TENM3: variants seen among roughly 807,000 people sequenced by gnomAD.
TENM3 encodes the protein teneurin-3.
A neutral mutation model predicts 255.1 loss-of-function variants in TENM3; 63 were observed. The observed-to-expected ratio is 0.25, with a 90% CI of 0.20 to 0.30. The LOEUF (loss-of-function observed/expected upper bound fraction) is 0.30. Among genes scored for constraint, TENM3 ranks in the 10% least tolerant of loss-of-function variants. TENM3 has a pLI of 1.00. For synonymous variants in TENM3, 1,306 were observed against 1,322.3 expected (o/e 0.99, Z 0.27); for missense variants, 2,929 against 3,461.1 (o/e 0.85, Z 3.86).
chr4:182,194,356 G>C (rs757379716), intron 1 of TENM3, among the ~76,000 whole-genome samples: 1 of 152,174 alleles, frequency 6.6e-6, no homozygotes, highest in Non-Finnish European at 1.5e-5. Flanking sequence ...ATGCACGCGT[G>C]TTGCCAAACC....
intron 3 of TENM3, among the ~76,000 whole-genome samples, chr4:182,371,244 C>CACAA (rs1254555106): frequency 6.6e-6 from 1 of 150,556 alleles, no homozygotes; most frequent in East Asian, 1.9e-4. Context: ...CACACACACA[C>CACAA]ACACACACAC....
intron 2 of TENM3, among the ~76,000 whole-genome samples, chr4:182,330,992 T>A (rs1476502351): frequency 1.3e-5 from 2 of 152,144 alleles, no homozygotes; most frequent in African/African-American, 4.8e-5. Context: ...GGGAAATAAT[T>A]GCTATCTTGC....
chr4:181,611,610 G>A, the TENM3 span, among the ~76,000 whole-genome samples: 1 of 152,084 alleles, frequency 6.6e-6, no homozygotes. Flanking sequence ...CCAAATCCTT[G>A]GCTAAAATCT....
chr4:181,512,269 A>T, the TENM3 span, among the ~76,000 whole-genome samples: 1 of 152,082 alleles, frequency 6.6e-6, no homozygotes. Flanking sequence ...TCTGTCTCCT[A>T]ACATTTCTCT....
At chr4:181,468,890 C>A in the TENM3 span, among the ~76,000 whole-genome samples, 4 of 152,318 alleles carry the variant, frequency 2.6e-5, no homozygotes, top group African/African-American at 9.6e-5. Context: ...ATTTTACTAA[C>A]CTCTTTTGAT....
At chr4:182,797,215 G>A (rs190669697) in intron 27 of TENM3, among the ~76,000 whole-genome samples, 1 of 152,192 alleles carries the variant, frequency 6.6e-6, no homozygotes, top group East Asian at 1.9e-4. Flanking sequence ...CGAGGAGGTC[G>A]GATCACCTGA....
intron 7 of TENM3, among the ~76,000 whole-genome samples, chr4:182,673,539 T>G (rs2152554276): frequency 6.6e-6 from 1 of 152,330 alleles, no homozygotes; most frequent in African/African-American, 2.4e-5. Context: ...CTATGATAAT[T>G]TCCGATGATC....
chr4:181,587,262 A>C, the TENM3 span, among the ~76,000 whole-genome samples: 1 of 152,216 alleles, frequency 6.6e-6, no homozygotes, highest in Non-Finnish European at 1.5e-5. Flanking sequence ...ATTCAGTGCC[A>C]GGCATGATGC....
At chr4:181,847,031 C>T in the TENM3 span, among the ~76,000 whole-genome samples, 2 of 152,298 alleles carry the variant, frequency 1.3e-5, no homozygotes, top group African/African-American at 2.4e-5. Flanking sequence ...AGTGTGGCAA[C>T]GGTGGGGTTT....
At chr4:181,559,073 A>T in the TENM3 span, among the ~76,000 whole-genome samples, 16,124 of 151,908 alleles carry the variant, frequency 0.11, 921 homozygotes, top group Middle Eastern at 0.17. Flanking sequence ...GATTTACTTT[A>T]AGGATTCGAC....
chr4:181,495,529 A>G, the TENM3 span, among the ~76,000 whole-genome samples: 1 of 148,058 alleles, frequency 6.8e-6, no homozygotes, highest in Non-Finnish European at 1.5e-5. Flanking sequence ...TCCTTAGGAC[A>G]GGTCTTTTGC....
At chr4:182,162,985 G>C (rs905772041) in intron 1 of TENM3, among the ~76,000 whole-genome samples, 9 of 152,128 alleles carry the variant, frequency 5.9e-5, no homozygotes, top group African/African-American at 2.2e-4. Context: ...GAGCAAAGCT[G>C]CCCCTTCTCC....
At chr4:181,874,912 T>C in the TENM3 span, among the ~76,000 whole-genome samples, 1 of 152,254 alleles carries the variant, frequency 6.6e-6, no homozygotes, top group Non-Finnish European at 1.5e-5. Flanking sequence ...CTTCCCTTCT[T>C]TCAAAGATCC....
chr4:181,615,023 GAGAC>G, the TENM3 span, among the ~76,000 whole-genome samples: 2 of 152,176 alleles, frequency 1.3e-5, no homozygotes, highest in African/African-American at 4.8e-5. Context: ...GCAGGGGAGA[GAGAC>G]AGGATGTAGA....
At chr4:181,578,332 C>T in the TENM3 span, among the ~76,000 whole-genome samples, 1 of 152,332 alleles carries the variant, frequency 6.6e-6, no homozygotes, top group Non-Finnish European at 1.5e-5. Flanking sequence ...GATTAGGCCT[C>T]CTCGCCAAGC....
chr4:182,202,195 G>A (rs144775719), intron 1 of TENM3, among the ~76,000 whole-genome samples: 2 of 152,288 alleles, frequency 1.3e-5, no homozygotes, highest in East Asian at 3.9e-4. Context: ...ACTGGAACGT[G>A]GGCTTGTGAG....
Position 182,793,535 on chromosome 4 carries a change from G to C in TENM3, c.6863G>C (p.Ser2288Thr). 6.2e-7 allele frequency: 1 copy of C among 1,613,984 alleles called. No individual in the cohort carries two copies. Among genetic ancestry groups the C allele is most frequent in the Non-Finnish European group, 8.5e-7 (1 of 1,179,860 alleles). The part of the protein sequence containing the change: ...QGHLFAMEIS[S>T]GDEFYIASDN... The stretch of plus-strand genomic sequence containing the variant: ...CATCTTTTTGCCATGGAAATCAGCA[G>C]TGGGGATGAATTCTATATTGCATCG... Residue 2288 changes from serine to threonine, a missense_variant, in exon 26 of 28, where the codon AGT becomes ACT. By Grantham distance (58) the Ser-to-Thr change is moderately conservative. Coordinates refer to ENST00000511685, the MANE Select transcript of TENM3 (RefSeq NM_001080477.4). The surrounding 1 kb of genome is among the most constrained non-coding windows in gnomAD (Gnocchi z 5.7).
intron 3 of TENM3, among the ~76,000 whole-genome samples, chr4:182,566,872 T>C (rs1212906363): frequency 6.6e-6 from 1 of 152,204 alleles, no homozygotes; most frequent in Admixed American, 6.5e-5. Flanking sequence ...TTTTCTATAG[T>C]ATTTCACTAT....
At chr4:182,389,436 C>CA (rs201600184) in intron 3 of TENM3, among the ~76,000 whole-genome samples, 1,614 of 147,988 alleles carry the variant, frequency 0.011, 26 homozygotes, top group African/African-American at 0.038. Context: ...GACTTTAAAA[C>CA]AGAGCTAAAG....
Sources: gnomAD v4.1 joint callset for allele counts (sites outside exome capture counted in the v4.1 genomes callset) on GRCh38, gnomAD v4.1.1 for gene constraint, Gnocchi (gnomAD v3.1) non-coding constraint, MANE v1.5 for transcripts, NCBI Gene and HGNC (gene_info 2026-07-23, HGNC 2026-07-21) for gene names.